The following EPHB1 variants were observed in gnomAD, a reference collection of about 807,000 sequenced individuals.
EPHB1 encodes EPH receptor B1.
In EPHB1, 30 loss-of-function variants were observed where a neutral mutation model predicts 94.4. The observed-to-expected ratio is 0.32, with a 90% CI of 0.24 to 0.43. The LOEUF is 0.43. Among genes scored for constraint, EPHB1 ranks in the 20% least tolerant of loss-of-function variants. The pLI is 1.00. For synonymous variants in EPHB1, 522 were observed against 489.1 expected (o/e 1.07, Z -0.89); for missense variants, 1,055 against 1,308.3 (o/e 0.81, Z 2.99).
rs551888246 is a variant in EPHB1 at position 134,823,580 on chromosome 3, A to T, written c.58+27891A>T. ...ACGCACTATCATTTCCATTTTACAG[A>T]TAGGAAAACCAAGGCCCAGCTTGGC... On this transcript the variant is annotated intron_variant, in intron 1 of 15. Transcript: ENST00000398015. 3.3e-5 allele frequency among the ~76,000 whole-genome samples: 5 copies of T among 152,236 alleles called. No individual in the cohort carries two copies. In the South Asian group the frequency reaches 8.3e-4, roughly 25 times the overall value.
At chr3:134,844,384 C>A (rs528506526) in intron 1 of EPHB1, among the ~76,000 whole-genome samples, 11 of 152,280 alleles carry the variant, frequency 7.2e-5, no homozygotes, top group Admixed American at 2.6e-4. Flanking sequence ...TATAAGCAAG[C>A]GTAGCCTTAG....
chr3:135,091,102 G>A (rs571992393), intron 3 of EPHB1, among the ~76,000 whole-genome samples: 1 of 152,354 alleles, frequency 6.6e-6, no homozygotes, highest in African/African-American at 2.4e-5. Context: ...ACAGAATGCA[G>A]CTCTTCCCTG....
At chr3:135,234,490 T>G (rs532909940) in intron 12 of EPHB1, among the ~76,000 whole-genome samples, 2 of 152,190 alleles carry the variant, frequency 1.3e-5, no homozygotes, top group Non-Finnish European at 2.9e-5. Context: ...TGCCTGTTAC[T>G]CAGTTCCAAA....
chr3:135,061,368 A>ACCCCCCCCCCCCCCCCCCCCCC (rs34282243), intron 3 of EPHB1, among the ~76,000 whole-genome samples: 1 of 111,372 alleles, frequency 9.0e-6, no homozygotes, highest in Non-Finnish European at 1.9e-5. Flanking sequence ...AGGAATGACC[A>ACCCCCCCCCCCCCCCCCCCCCC]CCCCCCCCGA....
At chr3:134,838,345 A>C (rs934596531) in intron 1 of EPHB1, among the ~76,000 whole-genome samples, 1 of 152,176 alleles carries the variant, frequency 6.6e-6, no homozygotes, top group African/African-American at 2.4e-5. Flanking sequence ...TGATCTGGTC[A>C]AAGTCTCATG....
intron 3 of EPHB1, among the ~76,000 whole-genome samples, chr3:135,029,422 G>A (rs1936329333): frequency 6.7e-6 from 1 of 148,658 alleles, no homozygotes; most frequent in Admixed American, 6.8e-5. Context: ...AGGCCTGGTG[G>A]TTACAAAATC....
At chr3:135,037,618 C>T (rs978397648) in intron 3 of EPHB1, among the ~76,000 whole-genome samples, 3 of 152,138 alleles carry the variant, frequency 2.0e-5, no homozygotes, top group Non-Finnish European at 2.9e-5. Flanking sequence ...ATCTCCCCAC[C>T]GCCCATCAGT....
chr3:134,937,815 A>G (rs568102654), intron 2 of EPHB1, among the ~76,000 whole-genome samples: 1 of 152,064 alleles, frequency 6.6e-6, no homozygotes, highest in African/African-American at 2.4e-5. Flanking sequence ...CATTCAATCG[A>G]CAGCTTAAGA....
chr3:135,036,319 T>C (rs1936647020), intron 3 of EPHB1, among the ~76,000 whole-genome samples: 1 of 152,164 alleles, frequency 6.6e-6, no homozygotes, highest in African/African-American at 2.4e-5. Flanking sequence ...TGGGGGTTGC[T>C]TGAATTGGAC....
chr3:134,855,570 C>T (rs2037094934), intron 1 of EPHB1, among the ~76,000 whole-genome samples: 1 of 152,198 alleles, frequency 6.6e-6, no homozygotes, highest in Non-Finnish European at 1.5e-5. Context: ...GAAGTCACCT[C>T]AAAGTAGCAA....
At chr3:134,979,294 A>AG (rs1934315699) in intron 3 of EPHB1, among the ~76,000 whole-genome samples, 1 of 152,194 alleles carries the variant, frequency 6.6e-6, no homozygotes, top group Non-Finnish European at 1.5e-5. Context: ...GCATGTTCAA[A>AG]GGGGGAAAAA....
chr3:135,130,980 A>G (rs1338870532), intron 4 of EPHB1, among the ~76,000 whole-genome samples: 2 of 152,194 alleles, frequency 1.3e-5, no homozygotes, highest in Non-Finnish European at 2.9e-5. Context: ...AGTGACCAAT[A>G]TGGATGGTAA....
At chr3:134,824,496 A>G (rs2036440759) in intron 1 of EPHB1, among the ~76,000 whole-genome samples, 1 of 152,138 alleles carries the variant, frequency 6.6e-6, no homozygotes, top group Admixed American at 6.5e-5. Context: ...TCAAAAGCAG[A>G]GGCCAGTTAT....
At chr3:134,902,090 A>G (rs552184998) in intron 1 of EPHB1, among the ~76,000 whole-genome samples, 1 of 152,356 alleles carries the variant, frequency 6.6e-6, no homozygotes, top group East Asian at 1.9e-4. Flanking sequence ...TTGCATTTAT[A>G]GAAGTCCGAC....
chr3:135,245,768 T>C (rs1028796533), intron 13 of EPHB1, among the ~76,000 whole-genome samples: 15 of 127,894 alleles, frequency 1.2e-4, no homozygotes, highest in African/African-American at 4.7e-4. Flanking sequence ...ATTGTGCCAC[T>C]GCACTCCAGC....
intron 10 of EPHB1, among the ~76,000 whole-genome samples, chr3:135,187,798 A>C (rs557853022): frequency 6.6e-6 from 1 of 152,092 alleles, no homozygotes; most frequent in Non-Finnish European, 1.5e-5. Context: ...TAGATCAGTC[A>C]CCATAAGTCT....
At chr3:135,089,731 C>G (rs967118101) in intron 3 of EPHB1, among the ~76,000 whole-genome samples, 1 of 152,214 alleles carries the variant, frequency 6.6e-6, no homozygotes, top group Non-Finnish European at 1.5e-5. Context: ...ATTCCTTCAG[C>G]TCTGGGTTCG....
rs571291410 is a variant in EPHB1 at position 134,954,195 on chromosome 3, T to A, written c.805+2143T>A. Among the ~76,000 whole-genome samples the A allele has an allele frequency of 2.6e-5, 4 of 152,308 alleles. No homozygotes were observed. The South Asian group carries it at 6.2e-4, about 24-fold the overall frequency. Reference sequence around the variant, plus strand: ...AAGAGAAGGGCCCCTTGCCCTTGTCTCAAGAACTTTCAGCTGAATCCCCTG... The same window carrying A: ...AAGAGAAGGGCCCCTTGCCCTTGTCACAAGAACTTTCAGCTGAATCCCCTG... On this transcript the variant is annotated intron_variant, in intron 3 of 15. Coordinates refer to ENST00000398015, the MANE Select transcript of EPHB1 (RefSeq NM_004441.5).
At chr3:134,831,241 G>C (rs2036576773) in intron 1 of EPHB1, among the ~76,000 whole-genome samples, 1 of 152,164 alleles carries the variant, frequency 6.6e-6, no homozygotes, top group Admixed American at 6.5e-5. Flanking sequence ...ACCTGTCCTG[G>C]AGCAGAGGAG....
Sources: gnomAD v4.1 joint callset for allele counts (sites outside exome capture counted in the v4.1 genomes callset) on GRCh38, gnomAD v4.1.1 for gene constraint, MANE v1.5 for transcripts, NCBI Gene and HGNC (gene_info 2026-07-23, HGNC 2026-07-21) for gene names.